Variants in FUT9 observed in about 807,000 individuals in gnomAD.
FUT9 encodes the protein fucosyltransferase 9.
FUT9 carries 15 observed loss-of-function variants against 29.7 expected under a neutral mutation model. The observed-to-expected ratio is 0.51, with a 90% CI of 0.34 to 0.78. The LOEUF (loss-of-function observed/expected upper bound fraction) is 0.78, where lower values mean the gene tolerates loss of function less well. Among genes scored for constraint, FUT9 ranks in the 30% least tolerant of loss-of-function variants. The probability of loss-of-function intolerance (pLI) is 0.01; values close to 1 mark genes in which losing one functional copy is unlikely to be tolerated. For missense variants in FUT9, 319 were observed against 425.4 expected (o/e 0.75, Z 2.20); for synonymous variants, 169 against 153.7 (o/e 1.10, Z -0.74).
At chr6:96,116,355 T>A (rs2127962821) in intron 2 of FUT9, among the ~76,000 whole-genome samples, 1 of 152,326 alleles carries the variant, frequency 6.6e-6, no homozygotes, top group East Asian at 1.9e-4. Context: ...AATGGTACAG[T>A]CACTTTGGAA....
intron 2 of FUT9, among the ~76,000 whole-genome samples, chr6:96,190,879 GATC>G (rs1773494724): frequency 6.6e-6 from 1 of 152,102 alleles, no homozygotes; most frequent in South Asian, 2.1e-4. Context: ...AGAGAAGTTT[GATC>G]ATCTGAAGCC....
At chr6:96,057,552 T>G (rs1405018891) in intron 1 of FUT9, among the ~76,000 whole-genome samples, 2 of 152,248 alleles carry the variant, frequency 1.3e-5, no homozygotes, top group Admixed American at 1.3e-4. Context: ...CATTTATACA[T>G]GTTGATTTTA....
chr6:96,039,806 A>G (rs963700417), intron 1 of FUT9, among the ~76,000 whole-genome samples: 4 of 152,184 alleles, frequency 2.6e-5, no homozygotes, highest in African/African-American at 9.7e-5. Flanking sequence ...AGCATTTAGC[A>G]ATGAGCAATA....
At chr6:96,053,119 A>T (rs905739959) in intron 1 of FUT9, among the ~76,000 whole-genome samples, 10 of 152,288 alleles carry the variant, frequency 6.6e-5, no homozygotes, top group African/African-American at 2.4e-4. Flanking sequence ...TCTACTGAGA[A>T]AGATGTCAAA....
intron 2 of FUT9, among the ~76,000 whole-genome samples, chr6:96,177,481 A>G (rs763945247): frequency 6.6e-6 from 1 of 152,118 alleles, no homozygotes; most frequent in Non-Finnish European, 1.5e-5. Context: ...TTGCTAAATA[A>G]AGCTTGACCA....
intron 1 of FUT9, among the ~76,000 whole-genome samples, chr6:96,016,950 A>G (rs1241204806): frequency 2.0e-5 from 3 of 152,176 alleles, no homozygotes; most frequent in Non-Finnish European, 2.9e-5. Context: ...GCGCAGAACT[A>G]TTTGCATTGC....
intron 1 of FUT9, among the ~76,000 whole-genome samples, chr6:96,083,260 T>C (rs72927943): frequency 0.042 from 6,437 of 152,160 alleles, 191 homozygotes; most frequent in South Asian, 0.12. Context: ...CATGTATTAA[T>C]ATTTCTGAAT....
At chr6:96,182,271 TG>T (rs1237229013) in intron 2 of FUT9, among the ~76,000 whole-genome samples, 1 of 152,064 alleles carries the variant, frequency 6.6e-6, no homozygotes. Flanking sequence ...TTGATGGAAT[TG>T]TTTTTTTCTT....
chr6:96,212,068 G>T lies in FUT9; in HGVS notation c.*7833G>T. On this transcript the variant is annotated 3_prime_UTR_variant, in exon 3 of 3. Coordinates refer to ENST00000302103, the MANE Select transcript of FUT9 (RefSeq NM_006581.4). ...TCCACACATGGCTGCATTCCATTTT[G>T]ATTAATGAGGGTTCAGGAAATAGAA... 1 of 412,362 alleles carries T rather than the reference G, an allele frequency of 2.4e-6. No homozygotes were observed. The highest frequency in any genetic ancestry group is 1.3e-4 in the South Asian group (1 of 7,804). The allele number at this position is 412,362 out of a possible 1,614,324, so 25.5% of individuals were successfully genotyped here.
chr6:96,205,168 T>A lies in FUT9; in HGVS notation c.*933T>A, dbSNP rs1454790853. ...GCCCTAATATTTAAAATGGTCTTAT[T>A]TTACCATATGGATATAAGATTTGGC... On this transcript the variant is annotated 3_prime_UTR_variant, in exon 3 of 3. Transcript: ENST00000302103. 1 of 167,012 alleles carries A rather than the reference T, an allele frequency of 6.0e-6. No individual in the cohort carries two copies. The allele number at this position is 167,012 out of a possible 1,614,324, so 10.3% of individuals were successfully genotyped here.
chr6:96,201,684 G>A (rs572326016), intron 2 of FUT9, among the ~76,000 whole-genome samples: 138 of 151,890 alleles, frequency 9.1e-4, no homozygotes, highest in Middle Eastern at 6.8e-3. Context: ...GATTTTCTCT[G>A]TATTCCAAGG....
intron 1 of FUT9, among the ~76,000 whole-genome samples, chr6:96,079,366 A>T (rs540277937): frequency 6.6e-6 from 1 of 152,174 alleles, no homozygotes; most frequent in Non-Finnish European, 1.5e-5. Flanking sequence ...GAAGTCAGTT[A>T]CTACTCTCGA....
intron 1 of FUT9, among the ~76,000 whole-genome samples, chr6:96,041,474 AT>A (rs1770457560): frequency 6.6e-6 from 1 of 152,174 alleles, no homozygotes; most frequent in Admixed American, 6.5e-5. Context: ...AAATGATTTT[AT>A]CTATGGATTT....
chr6:96,147,715 T>A (rs976833469), intron 2 of FUT9, among the ~76,000 whole-genome samples: 2 of 151,738 alleles, frequency 1.3e-5, no homozygotes, highest in African/African-American at 4.8e-5. Context: ...TCTGTGCTAA[T>A]TGAATGATGA....
chr6:96,163,908 C>A (rs180934502), intron 2 of FUT9, among the ~76,000 whole-genome samples: 1 of 152,158 alleles, frequency 6.6e-6, no homozygotes, highest in African/African-American at 2.4e-5. Context: ...GTACCTGAGA[C>A]AAATCTCGAT....
At chr6:96,182,134 G>A (rs573505621) in intron 2 of FUT9, among the ~76,000 whole-genome samples, 1 of 151,858 alleles carries the variant, frequency 6.6e-6, no homozygotes, top group African/African-American at 2.4e-5. Flanking sequence ...CAGGAGTAAG[G>A]GTATCACCTT....
intron 2 of FUT9, among the ~76,000 whole-genome samples, chr6:96,115,848 C>G (rs1000530769): frequency 6.6e-6 from 1 of 152,108 alleles, no homozygotes; most frequent in African/African-American, 2.4e-5. Flanking sequence ...TACTTCTAAG[C>G]TATATACATG....
chr6:96,080,890 C>T (rs1771224533), intron 1 of FUT9, among the ~76,000 whole-genome samples: 1 of 151,906 alleles, frequency 6.6e-6, no homozygotes, highest in Non-Finnish European at 1.5e-5. Context: ...CATTGGTAAA[C>T]ATATTTCTTA....
At chr6:96,065,275 T>A (rs1425085776) in intron 1 of FUT9, among the ~76,000 whole-genome samples, 1 of 152,196 alleles carries the variant, frequency 6.6e-6, no homozygotes, top group Admixed American at 6.5e-5. Context: ...TAAAATTCAC[T>A]GTCTAGTTGT....
Sources: gnomAD v4.1 joint callset for allele counts (sites outside exome capture counted in the v4.1 genomes callset) on GRCh38, gnomAD v4.1.1 for gene constraint, MANE v1.5 for transcripts, NCBI Gene and HGNC (gene_info 2026-07-23, HGNC 2026-07-21) for gene names.